The following PDE1A variants were observed in gnomAD, a reference collection of about 807,000 sequenced individuals.
PDE1A encodes the protein dual specificity calcium/calmodulin-dependent 3',5'-cyclic nucleotide phosphodiesterase 1A.
Under a neutral mutation model 61.7 loss-of-function variants are expected in PDE1A, and 35 were observed. The observed-to-expected ratio is 0.57, with a 90% CI of 0.43 to 0.75. PDE1A has a LOEUF of 0.75. PDE1A is among the 30% of genes least tolerant of loss of function. The pLI, the probability that PDE1A is intolerant of heterozygous loss-of-function variation, is 0.00. For missense variants in PDE1A, 597 were observed against 630.6 expected, an observed-to-expected ratio of 0.95 and a Z score of 0.57; for synonymous variants, 232 against 213.2, an observed-to-expected ratio of 1.09 and a Z score of -0.77.
intron 2 of PDE1A, among the ~76,000 whole-genome samples, chr2:182,489,005 G>T (rs925005778): frequency 1.3e-5 from 2 of 152,196 alleles, no homozygotes; most frequent in Non-Finnish European, 2.9e-5. Context: ...GTCAGAAGGT[G>T]AAAAGTTTAT....
At chr2:182,584,577 T>A in the PDE1A span, among the ~76,000 whole-genome samples, 1 of 152,218 alleles carries the variant, frequency 6.6e-6, no homozygotes, top group East Asian at 1.9e-4. Flanking sequence ...GTGGCTGTCG[T>A]CACCTGCTCA....
the PDE1A span, among the ~76,000 whole-genome samples, chr2:182,675,410 A>G: frequency 6.9e-4 from 105 of 152,292 alleles, 1 homozygote; most frequent in Non-Finnish European, 6.8e-4. Flanking sequence ...TAGTGCTACA[A>G]TGAATATTCA....
At chr2:182,163,549 C>A (rs553891479), downstream of PDE1A, among the ~76,000 whole-genome samples, 3 of 152,286 alleles carry the variant, frequency 2.0e-5, no homozygotes, top group South Asian at 6.2e-4. Flanking sequence ...ATAAATCCAA[C>A]TAAACTTCAG....
the PDE1A span, among the ~76,000 whole-genome samples, chr2:182,559,704 T>C: frequency 6.6e-6 from 1 of 152,142 alleles, no homozygotes; most frequent in Admixed American, 6.5e-5. Context: ...ATTATTCAAA[T>C]AGCATCAAAC....
At chr2:182,165,038 C>T (rs2125306047), downstream of PDE1A, among the ~76,000 whole-genome samples, 1 of 152,258 alleles carries the variant, frequency 6.6e-6, no homozygotes, top group East Asian at 1.9e-4. Flanking sequence ...AAGAAGCTGG[C>T]TTCTACAGTA....
exon 12 of PDE1A, chr2:182,186,574 T>C: frequency 1.2e-6 from 2 of 1,604,864 alleles, no homozygotes; most frequent in Non-Finnish European, 1.7e-6. Flanking sequence ...GGCTCTACTA[T>C]GAAATCGATG....
intron 1 of PDE1A, among the ~76,000 whole-genome samples, chr2:182,283,420 TACACACACAC>T (rs3063230): frequency 3.9e-4 from 58 of 149,668 alleles, no homozygotes; most frequent in Non-Finnish European, 6.0e-4. Context: ...CACACACACA[TACACACACAC>T]ACACACACTT....
At chr2:182,241,388 C>G (rs1418865231) in intron 2 of PDE1A, among the ~76,000 whole-genome samples, 1 of 152,144 alleles carries the variant, frequency 6.6e-6, no homozygotes, top group African/African-American at 2.4e-5. Context: ...TTGCCCAGAC[C>G]TAGGCCTAAC....
At chr2:182,459,474 G>T (rs550718204) in intron 2 of PDE1A, among the ~76,000 whole-genome samples, 1 of 152,072 alleles carries the variant, frequency 6.6e-6, no homozygotes, top group Non-Finnish European at 1.5e-5. Context: ...ATTCATTAAC[G>T]CCTGTGTTTA....
At chr2:182,300,650 G>C (rs1695180380) in intron 1 of PDE1A, among the ~76,000 whole-genome samples, 1 of 152,192 alleles carries the variant, frequency 6.6e-6, no homozygotes, top group Non-Finnish European at 1.5e-5. Context: ...ACAATGTCTA[G>C]AGAAGAAATA....
chr2:182,206,867 T>C (rs1366392681), intron 7 of PDE1A, among the ~76,000 whole-genome samples: 1 of 152,188 alleles, frequency 6.6e-6, no homozygotes, highest in Non-Finnish European at 1.5e-5. Flanking sequence ...CCTGCCACCA[T>C]GTGAAGATGT....
chr2:182,439,840 C>T (rs1684676196), intron 2 of PDE1A, among the ~76,000 whole-genome samples: 1 of 152,086 alleles, frequency 6.6e-6, no homozygotes, highest in Non-Finnish European at 1.5e-5. Context: ...AGAAAAAGTA[C>T]ATATGGCTAC....
chr2:182,272,580 G>C (rs983673776), intron 1 of PDE1A, among the ~76,000 whole-genome samples: 2 of 152,080 alleles, frequency 1.3e-5, no homozygotes, highest in African/African-American at 4.8e-5. Context: ...GAACATAACA[G>C]AAAATCTAAG....
chr2:182,536,779 T>G, the PDE1A span, among the ~76,000 whole-genome samples: 1 of 152,194 alleles, frequency 6.6e-6, no homozygotes. Context: ...TTTCCAAGAC[T>G]AGATCATAAA....
At chr2:182,479,600 G>A (rs1397573091) in intron 2 of PDE1A, among the ~76,000 whole-genome samples, 1 of 151,480 alleles carries the variant, frequency 6.6e-6, no homozygotes, top group Non-Finnish European at 1.5e-5. Flanking sequence ...TAGTCCTAAA[G>A]GATAAAAATG....
rs11420821 is a variant in PDE1A at position 182,295,057 on chromosome 2, CTTT to C, written c.54-30646_54-30644del. Among the ~76,000 whole-genome samples the C allele has an allele frequency of 3.9e-4, 23 of 59,370 alleles. No individual in the cohort carries two copies. In the East Asian group the frequency reaches 4.7e-3, roughly 12 times the overall value. The allele number at this position is 59,370 out of a possible 152,430, so 38.9% of individuals were successfully genotyped here. On this transcript the variant is annotated intron_variant, in intron 1 of 13. Coordinates refer to ENST00000351439, the Ensembl canonical transcript of PDE1A. The stretch of plus-strand genomic sequence containing the variant: ...ACGACCAATCAAAATAAAAGGTAAT[CTTT>C]TTTTTTTTTTTTTTTTTTTTTTTTT...
At chr2:182,164,167 T>C (rs923876625), downstream of PDE1A, among the ~76,000 whole-genome samples, 21 of 152,148 alleles carry the variant, frequency 1.4e-4, no homozygotes, top group African/African-American at 4.8e-4. Context: ...CACATGGTAG[T>C]GGTATACACA....
At chr2:182,396,293 C>T (rs1211263438) in intron 1 of PDE1A, among the ~76,000 whole-genome samples, 3 of 152,196 alleles carry the variant, frequency 2.0e-5, no homozygotes, top group African/African-American at 7.2e-5. Flanking sequence ...GGAAATCTTC[C>T]CAGTGGGCAG....
intron 1 of PDE1A, among the ~76,000 whole-genome samples, chr2:182,382,122 T>C (rs1400344685): frequency 6.6e-6 from 1 of 152,134 alleles, no homozygotes; most frequent in Non-Finnish European, 1.5e-5. Context: ...TGAGTATAGG[T>C]GGAAACTGTG....
Sources: gnomAD v4.1 joint callset for allele counts (sites outside exome capture counted in the v4.1 genomes callset) on GRCh38, gnomAD v4.1.1 for gene constraint, MANE v1.5 for transcripts, NCBI Gene and HGNC (gene_info 2026-07-23, HGNC 2026-07-21) for gene names.